Variants in RCAN1 observed in about 807,000 individuals in gnomAD.
RCAN1 encodes calcipressin-1.
In RCAN1, 11 loss-of-function variants were observed where a neutral mutation model predicts 22.9. That is an observed-to-expected ratio of 0.48 (90% CI 0.30 to 0.79). The LOEUF (loss-of-function observed/expected upper bound fraction) is 0.79, where lower values mean the gene tolerates loss of function less well. Among genes scored for constraint, RCAN1 ranks in the 30% least tolerant of loss-of-function variants. RCAN1 has a pLI of 0.06. For missense variants in RCAN1, 291 were observed against 337.8 expected, an observed-to-expected ratio of 0.86 and a Z score of 1.09; for synonymous variants, 136 against 142.3, an observed-to-expected ratio of 0.96 and a Z score of 0.32.
At chr21:34,534,863 G>C (rs1238851629) in intron 1 of RCAN1, among the ~76,000 whole-genome samples, 1 of 152,216 alleles carries the variant, frequency 6.6e-6, no homozygotes, top group East Asian at 1.9e-4. Flanking sequence ...CAGGATGCCA[G>C]GCACTGGCCC....
At chr21:34,547,092 C>A (rs1041458620) in intron 1 of RCAN1, among the ~76,000 whole-genome samples, 2 of 152,172 alleles carry the variant, frequency 1.3e-5, no homozygotes, top group African/African-American at 4.8e-5. Flanking sequence ...CAAAGGGTCG[C>A]AAACAAACTC....
chr21:34,612,235 T>A (rs1200421277), intron 1 of RCAN1, among the ~76,000 whole-genome samples: 4 of 152,216 alleles, frequency 2.6e-5, no homozygotes, highest in African/African-American at 9.6e-5. Flanking sequence ...GCAATTAGAA[T>A]CACACCTGAA....
chr21:34,602,088 A>C (rs1415014586), intron 1 of RCAN1, among the ~76,000 whole-genome samples: 2 of 152,220 alleles, frequency 1.3e-5, no homozygotes, highest in Non-Finnish European at 2.9e-5. Flanking sequence ...TAAAGACTAA[A>C]TAAATATTTT....
intron 1 of RCAN1, among the ~76,000 whole-genome samples, chr21:34,568,255 T>A (rs1987104357): frequency 6.6e-6 from 1 of 152,190 alleles, no homozygotes; most frequent in South Asian, 2.1e-4. Context: ...TCTAGACACT[T>A]TTTTGTGCTC....
chr21:34,537,163 C>T (rs2123616137), intron 1 of RCAN1, among the ~76,000 whole-genome samples: 1 of 152,330 alleles, frequency 6.6e-6, no homozygotes, highest in Non-Finnish European at 1.5e-5. Context: ...AAAGAACAAG[C>T]AAGACCCCAC....
In RCAN1 at chr21:34,614,057, T is replaced by A. The variant is rs950748931; in HGVS notation, c.252+703A>T. On this transcript the variant is annotated intron_variant, in intron 1 of 3. Transcript: ENST00000313806. This position sits in a 1 kb window ranked among gnomAD's most constrained non-coding sequence, Gnocchi z 6.0. Reference sequence around the variant, plus strand: ...CATACCTGCCCCTCACCCTCCAAAGTGTCTAAATTGTGTGGATTTTGCGGG... The same window carrying A: ...CATACCTGCCCCTCACCCTCCAAAGAGTCTAAATTGTGTGGATTTTGCGGG... 1.3e-5 allele frequency among the ~76,000 whole-genome samples: 2 copies of A among 152,134 alleles called. No individual in the cohort carries two copies. Among genetic ancestry groups the A allele is most frequent in the African/African-American group, 4.8e-5 (2 of 41,422 alleles).
chr21:34,564,744 T>C (rs145449212), intron 1 of RCAN1, among the ~76,000 whole-genome samples: 1 of 152,296 alleles, frequency 6.6e-6, no homozygotes, highest in East Asian at 1.9e-4. Flanking sequence ...TATTTATATT[T>C]TAAAATCCTG....
intron 1 of RCAN1, among the ~76,000 whole-genome samples, chr21:34,583,725 T>C (rs1680615369): frequency 6.6e-6 from 1 of 152,104 alleles, no homozygotes. Flanking sequence ...CCCCAATCTG[T>C]GGTATTATGT....
At chr21:34,590,154 C>T (rs969660138) in intron 1 of RCAN1, among the ~76,000 whole-genome samples, 1 of 152,204 alleles carries the variant, frequency 6.6e-6, no homozygotes, top group African/African-American at 2.4e-5. Context: ...TCCAGACCAC[C>T]CCCTTCTGAG....
chr21:34,608,251 C>T (rs2123735224), intron 1 of RCAN1, among the ~76,000 whole-genome samples: 1 of 152,278 alleles, frequency 6.6e-6, no homozygotes, highest in Non-Finnish European at 1.5e-5. Flanking sequence ...GAAACTGGTC[C>T]CTGGTACCAA....
chr21:34,591,276 C>G (rs892459191), intron 1 of RCAN1, among the ~76,000 whole-genome samples: 3 of 152,184 alleles, frequency 2.0e-5, no homozygotes, highest in Admixed American at 2.0e-4. Context: ...CAGTACAACA[C>G]AGTGTGCCCT....
intron 1 of RCAN1, among the ~76,000 whole-genome samples, chr21:34,551,041 C>A (rs1986346838): frequency 1.3e-5 from 2 of 152,230 alleles, no homozygotes. Flanking sequence ...ACAAGGAATT[C>A]TATGACAACG....
rs571158234 is a variant in RCAN1 at position 34,609,302 on chromosome 21, A to C, written c.252+5458T>G. On this transcript the variant is annotated intron_variant, in intron 1 of 3. Coordinates refer to ENST00000313806, the MANE Select transcript of RCAN1 (RefSeq NM_004414.7). ...GTGATTAGTATTTACAAAGGAAAAA[A>C]TTGTCTCTCACAACTGAACTGTATG... 3.9e-5 allele frequency among the ~76,000 whole-genome samples: 6 copies of C among 152,286 alleles called. No individual in the cohort carries two copies. In the East Asian group the frequency reaches 1.2e-3, roughly 29 times the overall value.
chr21:34,582,463 G>C (rs916063529), intron 1 of RCAN1, among the ~76,000 whole-genome samples: 14 of 152,094 alleles, frequency 9.2e-5, no homozygotes, highest in African/African-American at 3.1e-4. Flanking sequence ...GGAGGAGTGA[G>C]GGAGTAAGCC....
chr21:34,560,365 C>T (rs1369811508), intron 1 of RCAN1, among the ~76,000 whole-genome samples: 1 of 152,212 alleles, frequency 6.6e-6, no homozygotes, highest in Non-Finnish European at 1.5e-5. Flanking sequence ...GCAACCTAGA[C>T]TTCCCTAAGA....
chr21:34,544,147 G>A (rs184065707), intron 1 of RCAN1, among the ~76,000 whole-genome samples: 1 of 152,318 alleles, frequency 6.6e-6, no homozygotes, highest in East Asian at 1.9e-4. Context: ...ATTGTGGTAG[G>A]CTGAATTCTC....
At chr21:34,591,424 T>C (rs1568926412) in intron 1 of RCAN1, among the ~76,000 whole-genome samples, 1 of 152,100 alleles carries the variant, frequency 6.6e-6, no homozygotes, top group Non-Finnish European at 1.5e-5. Flanking sequence ...CATGGCTTTC[T>C]GGGTGAAAAC....
intron 1 of RCAN1, among the ~76,000 whole-genome samples, chr21:34,578,803 G>A (rs76516383): frequency 0.04 from 6,159 of 152,106 alleles, 350 homozygotes; most frequent in African/African-American, 0.12. Context: ...TAAATACAGC[G>A]CCCAACAGAG....
At chr21:34,545,164 G>A (rs567128712) in intron 1 of RCAN1, among the ~76,000 whole-genome samples, 1 of 152,332 alleles carries the variant, frequency 6.6e-6, no homozygotes, top group Admixed American at 6.5e-5. Context: ...GCAAAGCTAC[G>A]AAAGCAGGCT....
Sources: allele counts gnomAD v4.1 joint callset (sites outside exome capture counted in the v4.1 genomes callset), GRCh38; gene constraint gnomAD v4.1.1; non-coding constraint Gnocchi (gnomAD v3.1); transcripts MANE v1.5; gene names NCBI Gene and HGNC (gene_info 2026-07-23, HGNC 2026-07-21).